LUC7L2: variants seen among roughly 807,000 people sequenced by gnomAD.
LUC7L2 encodes the protein putative RNA-binding protein Luc7-like 2.
A neutral mutation model predicts 52.8 loss-of-function variants in LUC7L2; 25 were observed. The ratio of observed to expected loss-of-function variants is 0.47; its 90% CI spans 0.34 to 0.66. The LOEUF (loss-of-function observed/expected upper bound fraction) is 0.66, where lower values mean the gene tolerates loss of function less well. LUC7L2 is among the 30% of genes least tolerant of loss of function. The probability of loss-of-function intolerance (pLI) is 0.01; values close to 1 mark genes in which losing one functional copy is unlikely to be tolerated. For synonymous variants in LUC7L2, 144 were observed against 160.9 expected (o/e 0.89, Z 0.80); for missense variants, 328 against 497.8 (o/e 0.66, Z 3.25).
At chr7:139,377,997 T>G (rs1369282395) in intron 2 of LUC7L2, among the ~76,000 whole-genome samples, 1 of 151,692 alleles carries the variant, frequency 6.6e-6, no homozygotes, top group Non-Finnish European at 1.5e-5. Flanking sequence ...TTTGTATTTT[T>G]TGTAGAGACT....
At chr7:139,375,171 C>CATCT (rs1387141785) in intron 1 of LUC7L2, 79 of 982,560 alleles carry the variant, frequency 8.0e-5, no homozygotes, top group Admixed American at 2.5e-4. Flanking sequence ...TTTTAACTAA[C>CATCT]ATCTATATTT....
intron 2 of LUC7L2, among the ~76,000 whole-genome samples, chr7:139,381,856 A>C (rs1801042985): frequency 6.9e-6 from 1 of 144,194 alleles, no homozygotes; most frequent in African/African-American, 2.6e-5. Context: ...GATTACAGGC[A>C]TGAGCCACTG....
intron 5 of LUC7L2, among the ~76,000 whole-genome samples, chr7:139,406,836 A>T (rs1336250914): frequency 6.6e-6 from 1 of 151,868 alleles, no homozygotes; most frequent in Non-Finnish European, 1.5e-5. Context: ...TTGTTTTTCA[A>T]AGAACCAGTC....
chr7:139,413,222 C>T (rs1373574780), intron 8 of LUC7L2, among the ~76,000 whole-genome samples: 1 of 152,170 alleles, frequency 6.6e-6, no homozygotes, highest in Non-Finnish European at 1.5e-5. Flanking sequence ...GTTGCTGATA[C>T]ATTTTTTTGT....
At chr7:139,373,673 A>G (rs1023737604) in intron 1 of LUC7L2, among the ~76,000 whole-genome samples, 6 of 149,238 alleles carry the variant, frequency 4.0e-5, no homozygotes, top group African/African-American at 1.5e-4. Context: ...TTCATATTTT[A>G]ACTGATAGCT....
chr7:139,363,272 A>G (rs1473833494), intron 1 of LUC7L2: 1 of 982,362 alleles, frequency 1.0e-6, no homozygotes. Flanking sequence ...GAGTTGAAAC[A>G]TTGGTCACAC....
chr7:139,407,369 C>T lies in LUC7L2; in HGVS notation c.687+19C>T, dbSNP rs1398188187. The T allele has an allele frequency of 6.3e-6, 10 of 1,596,500 alleles. No homozygotes were observed. Among genetic ancestry groups the T allele is most frequent in the Non-Finnish European group, 8.5e-6 (10 of 1,170,758 alleles). The stretch of plus-strand genomic sequence containing the variant: ...ATTAAAGGTACATTGGTAAAATATT[C>T]CTCACTTTATCCTCTTGTTCTTTTG... On this transcript the variant is annotated intron_variant, in intron 6 of 9. Transcript: ENST00000354926.
intron 1 of LUC7L2, among the ~76,000 whole-genome samples, chr7:139,347,353 T>TTC (rs10668855): frequency 0.39 from 58,543 of 151,842 alleles, 15,701 homozygotes; most frequent in African/African-American, 0.77. Context: ...TTTGGGAAGC[T>TTC]GATGTGGGCG....
At chr7:139,395,454 A>G (rs1195677003) in intron 2 of LUC7L2, among the ~76,000 whole-genome samples, 2 of 152,168 alleles carry the variant, frequency 1.3e-5, no homozygotes, top group Non-Finnish European at 2.9e-5. Context: ...TGGAGCCTGG[A>G]AAAATCTCAG....
Position 139,411,832 on chromosome 7 carries a change from C to T in LUC7L2, c.780-719C>T, listed in dbSNP as rs969362890. ...CTCCAAGAGTATGTAGATCTCAGAC[C>T]ATAGAAATTTCACTCTTTTCCCAGA... On this transcript the variant is annotated intron_variant, in intron 7 of 9. Transcript: ENST00000354926. Among the ~76,000 whole-genome samples the T allele has an allele frequency of 6.0e-5, 9 of 150,294 alleles. No individual in the cohort carries two copies. In the East Asian group the frequency reaches 7.8e-4, roughly 13 times the overall value.
intron 2 of LUC7L2, among the ~76,000 whole-genome samples, chr7:139,388,892 G>T (rs1331042465): frequency 1.3e-5 from 2 of 151,946 alleles, no homozygotes; most frequent in African/African-American, 4.8e-5. Context: ...GTTATTGAAA[G>T]AATATTGAGC....
chr7:139,391,263 A>G (rs1363851830), intron 2 of LUC7L2, among the ~76,000 whole-genome samples: 2 of 152,176 alleles, frequency 1.3e-5, no homozygotes, highest in South Asian at 2.1e-4. Context: ...CTTGATTTCC[A>G]TTGTGAATAT....
Position 139,417,719 on chromosome 7 carries a change from T to A in LUC7L2, c.991T>A (p.Ser331Thr). 1 of 1,613,946 alleles carries A rather than the reference T, an allele frequency of 6.2e-7. No homozygotes were observed. The highest frequency in any genetic ancestry group is 8.5e-7 in the Non-Finnish European group (1 of 1,179,836). Residue 331 changes from serine to threonine, a missense_variant, in exon 9 of 10, where the codon TCC becomes ACC. Transcript: ENST00000354926. ...HSSRDRSRERSKRRSSKERFR... is the reference protein window; with the variant it reads ...HSSRDRSRERTKRRSSKERFR... ...TTCTAGAGATAGGAGCAGAGAACGA[T>A]CCAAGAGGAGGTATTGATGTGTCAA...
At position 139,360,074 on chromosome 7, in the gene LUC7L2, C is replaced by T. The variant is rs1359941640; in HGVS notation, c.-188C>T. On this transcript the variant is annotated 5_prime_UTR_variant, in exon 1 of 10. Transcript: ENST00000354926. ...GTCGGGGGCTGTCGTCTTCCACGTA[C>T]ACGTCGTCGTGAGGAGCGCAGTCCG... The T allele has an allele frequency of 3.6e-6, 2 of 554,620 alleles. No individual in the cohort carries two copies. The highest frequency in any genetic ancestry group is 3.2e-6 in the Non-Finnish European group (1 of 314,492). 34.4% of individuals were successfully genotyped at this position (554,620 alleles called of 1,614,324 possible).
chr7:139,340,490 C>T (rs1026074057), exon 1 of LUC7L2: 3 of 398,450 alleles, frequency 7.5e-6, no homozygotes, highest in African/African-American at 4.1e-5. Context: ...GCCCGTTCAA[C>T]GTCCGGAGCA....
intron 1 of LUC7L2, among the ~76,000 whole-genome samples, chr7:139,373,977 G>T (rs73154151): frequency 0.02 from 3,031 of 152,146 alleles, 33 homozygotes; most frequent in South Asian, 0.051. Flanking sequence ...TATAATTAGG[G>T]TACAGATTTA....
chr7:139,421,000 T>C (rs1055669854), intron 9 of LUC7L2, among the ~76,000 whole-genome samples: 1 of 152,074 alleles, frequency 6.6e-6, no homozygotes, highest in African/African-American at 2.4e-5. Context: ...GGGGTTTCAC[T>C]ATGTTGGCTA....
At chr7:139,365,162 T>C (rs977636417) in intron 1 of LUC7L2, among the ~76,000 whole-genome samples, 1 of 152,192 alleles carries the variant, frequency 6.6e-6, no homozygotes. Flanking sequence ...AGAAAAGTTT[T>C]CCTCATTTTG....
intron 1 of LUC7L2, among the ~76,000 whole-genome samples, chr7:139,350,240 G>A (rs188213080): frequency 0.01 from 1,578 of 152,164 alleles, 27 homozygotes; most frequent in African/African-American, 0.036. Context: ...TCCTGCCTCA[G>A]CCTCCTGAGT....
Sources: allele counts gnomAD v4.1 joint callset (sites outside exome capture counted in the v4.1 genomes callset), GRCh38; gene constraint gnomAD v4.1.1; transcripts MANE v1.5; gene names NCBI Gene and HGNC (gene_info 2026-07-23, HGNC 2026-07-21).